Variants in LRP1B observed in about 807,000 individuals in gnomAD.
LRP1B encodes the protein LDL receptor related protein 1B.
A neutral mutation model predicts 556.6 loss-of-function variants in LRP1B; 217 were observed. The observed-to-expected ratio is 0.39, with a 90% CI of 0.35 to 0.44. LRP1B has a LOEUF of 0.44. Among genes scored for constraint, LRP1B ranks in the 20% least tolerant of loss-of-function variants. LRP1B has a pLI of 1.00. For synonymous variants in LRP1B, 2,047 were observed against 1,865.8 expected (o/e 1.10, Z -2.50); for missense variants, 5,053 against 5,620.8 (o/e 0.90, Z 3.23).
chr2:140,410,910 T>C (rs537649599), intron 66 of LRP1B, among the ~76,000 whole-genome samples: 4 of 152,286 alleles, frequency 2.6e-5, no homozygotes, highest in South Asian at 2.1e-4. Flanking sequence ...GGTTGAACCC[T>C]ATGACAGCTA....
intron 10 of LRP1B, among the ~76,000 whole-genome samples, chr2:141,053,141 C>T (rs1699083325): frequency 6.6e-6 from 1 of 151,960 alleles, no homozygotes; most frequent in Non-Finnish European, 1.5e-5. Context: ...TCTTCTTGTA[C>T]TACAGACAAT....
At chr2:140,831,413 A>G (rs536398221) in intron 31 of LRP1B, among the ~76,000 whole-genome samples, 1 of 152,268 alleles carries the variant, frequency 6.6e-6, no homozygotes, top group East Asian at 1.9e-4. Flanking sequence ...CCATGAACAT[A>G]CATGGTAGAA....
In LRP1B at chr2:140,927,856, G is replaced by A. The variant is rs531957902; in HGVS notation, c.3137-4709C>T. ...CCAGAAGCTGGGACTACAGGCACCC[G>A]CCATCATGCCCGGCTATTCATTTAT... On this transcript the variant is annotated intron_variant, in intron 20 of 90. Coordinates refer to ENST00000389484, the MANE Select transcript of LRP1B (RefSeq NM_018557.3). 4.0e-5 allele frequency among the ~76,000 whole-genome samples: 6 copies of A among 151,564 alleles called. No homozygotes were observed. In the East Asian group the frequency reaches 5.8e-4, roughly 15 times the overall value.
chr2:141,491,185 G>A (rs1683321644), intron 2 of LRP1B, among the ~76,000 whole-genome samples: 1 of 152,008 alleles, frequency 6.6e-6, no homozygotes, highest in Non-Finnish European at 1.5e-5. Flanking sequence ...TGTAAAGTTG[G>A]CTCTCTGACT....
rs536286154 is a variant in LRP1B at position 141,115,464 on chromosome 2, T to G, written c.1014-53191A>C. Among the ~76,000 whole-genome samples, 173 of 145,300 alleles carry G rather than the reference T, an allele frequency of 1.2e-3. 2 individuals are homozygous for G. The highest frequency in any genetic ancestry group is 2.8e-3 in the East Asian group (14 of 4,996). On this transcript the variant is annotated intron_variant, in intron 7 of 90. Transcript: ENST00000389484. The stretch of plus-strand genomic sequence containing the variant: ...TGAATAGGTTTTTGTTTTTGTTTTT[T>G]TTTTTTTTTTGAGATGGATTCTGGC...
chr2:141,107,770 G>T (rs1245367156), intron 7 of LRP1B, among the ~76,000 whole-genome samples: 1 of 152,048 alleles, frequency 6.6e-6, no homozygotes, highest in Non-Finnish European at 1.5e-5. Flanking sequence ...TTGAAAGATT[G>T]GTGGGAATTG....
intron 35 of LRP1B, among the ~76,000 whole-genome samples, chr2:140,720,840 G>T (rs1559075877): frequency 6.6e-6 from 1 of 151,840 alleles, no homozygotes; most frequent in Non-Finnish European, 1.5e-5. Flanking sequence ...ATAAAAATAT[G>T]CCAGGTAAAA....
rs70988447 is a variant in LRP1B at position 140,849,200 on chromosome 2, CAA to C, written c.4939+900_4939+901del. On this transcript the variant is annotated intron_variant, in intron 29 of 90. Coordinates refer to ENST00000389484, the MANE Select transcript of LRP1B (RefSeq NM_018557.3). ...TGAAACCCTGTATCTACTAAAAATA[CAA>C]AAAAAAAAAAAAAAAAAAAAAATAG... is the stretch of plus-strand genomic sequence containing the variant. 3.9e-3 allele frequency among the ~76,000 whole-genome samples: 394 copies of C among 100,484 alleles called. 1 individual carries two copies. Among genetic ancestry groups the C allele is most frequent in the African/African-American group, 0.015 (362 of 24,126 alleles). 65.9% of individuals were successfully genotyped at this position (100,484 alleles called of 152,430 possible).
chr2:140,915,872 C>G (rs554461601), intron 21 of LRP1B, among the ~76,000 whole-genome samples: 1 of 151,272 alleles, frequency 6.6e-6, no homozygotes, highest in Admixed American at 6.6e-5. Context: ...ACTGAAAATA[C>G]AAAAAATTAG....
At chr2:141,143,516 T>G (rs1275902614) in intron 7 of LRP1B, among the ~76,000 whole-genome samples, 1 of 152,118 alleles carries the variant, frequency 6.6e-6, no homozygotes, top group East Asian at 1.9e-4. Context: ...GTTATTGGAG[T>G]TGTATACTGC....
At chr2:141,265,236 C>T (rs1684842542) in intron 3 of LRP1B, among the ~76,000 whole-genome samples, 1 of 152,202 alleles carries the variant, frequency 6.6e-6, no homozygotes, top group Non-Finnish European at 1.5e-5. Context: ...GGTGGAAGGA[C>T]ACACACCCAG....
At chr2:141,551,443 A>T (rs1685747368) in intron 2 of LRP1B, among the ~76,000 whole-genome samples, 4 of 152,094 alleles carry the variant, frequency 2.6e-5, no homozygotes, top group Admixed American at 2.6e-4. Context: ...AATAAATGCC[A>T]TCCAAGGTTA....
chr2:142,068,985 G>C (rs1007772172), intron 1 of LRP1B, among the ~76,000 whole-genome samples: 1 of 151,022 alleles, frequency 6.6e-6, no homozygotes. Flanking sequence ...TGAGAAAATG[G>C]TTCCATCTCT....
chr2:140,778,472 T>TAATATTTCCAGAA (rs1689575448), intron 32 of LRP1B, among the ~76,000 whole-genome samples: 1 of 152,130 alleles, frequency 6.6e-6, no homozygotes, highest in Non-Finnish European at 1.5e-5. Context: ...ATGAGATTTC[T>TAATATTTCCAGAA]GGAAATATTC....
At chr2:141,734,324 T>C (rs1270578049) in intron 2 of LRP1B, among the ~76,000 whole-genome samples, 1 of 152,122 alleles carries the variant, frequency 6.6e-6, no homozygotes, top group Non-Finnish European at 1.5e-5. Context: ...GTGAAATCAA[T>C]GTTTAAGCTA....
intron 7 of LRP1B, among the ~76,000 whole-genome samples, chr2:141,112,096 A>G (rs556833233): frequency 2.7e-4 from 41 of 151,388 alleles, no homozygotes; most frequent in African/African-American, 9.7e-4. Flanking sequence ...TAAATAAATA[A>G]ATTCTACTCC....
At chr2:141,571,696 G>A (rs964424754) in intron 2 of LRP1B, among the ~76,000 whole-genome samples, 1 of 152,038 alleles carries the variant, frequency 6.6e-6, no homozygotes, top group Non-Finnish European at 1.5e-5. Flanking sequence ...AAAGGTTAGA[G>A]GAATTGCCAC....
intron 21 of LRP1B, among the ~76,000 whole-genome samples, chr2:140,913,914 G>A (rs1052274186): frequency 2.6e-5 from 4 of 151,810 alleles, no homozygotes; most frequent in African/African-American, 7.3e-5. Flanking sequence ...TTGTTTAATC[G>A]AATTCACACA....
At chr2:140,756,032 A>C (rs1688731978) in intron 35 of LRP1B, among the ~76,000 whole-genome samples, 1 of 152,030 alleles carries the variant, frequency 6.6e-6, no homozygotes. Context: ...CAAAATACAA[A>C]AATCGATTGC....
Sources: gnomAD v4.1 joint callset for allele counts (sites outside exome capture counted in the v4.1 genomes callset) on GRCh38, gnomAD v4.1.1 for gene constraint, MANE v1.5 for transcripts, NCBI Gene and HGNC (gene_info 2026-07-23, HGNC 2026-07-21) for gene names.